IL18R1: variants seen among roughly 807,000 people sequenced by gnomAD.
IL18R1 encodes interleukin 18 receptor 1.
In IL18R1, 40 loss-of-function variants were observed where a neutral mutation model predicts 48.5. The observed-to-expected ratio is 0.82, with a 90% CI of 0.64 to 1.07. IL18R1 has a LOEUF of 1.07. Ranked by LOEUF, IL18R1 falls within the 50% of genes least tolerant of loss-of-function variation. The probability of loss-of-function intolerance (pLI) is 0.00; values close to 1 mark genes in which losing one functional copy is unlikely to be tolerated. For synonymous variants in IL18R1, 232 were observed against 225.9 expected, an observed-to-expected ratio of 1.03 and a Z score of -0.24; for missense variants, 596 against 633.7, an observed-to-expected ratio of 0.94 and a Z score of 0.64.
intron 2 of IL18R1, among the ~76,000 whole-genome samples, 157 bp from the exon 3 acceptor site, chr2:102,367,668 C>G (rs1039944000): frequency 1.3e-5 from 2 of 151,974 alleles, no homozygotes; most frequent in Non-Finnish European, 2.9e-5. Context: ...GAAAGATTGA[C>G]GCAAAAATAA....
At position 102,396,539 on chromosome 2, in the gene IL18R1, G is replaced by C; in HGVS notation, c.1279G>C (p.Asp427His). Residue 427 changes from aspartate to histidine, a missense_variant, in exon 11 of 11, where the codon GAT becomes CAT. This residue lies in a region of IL18R1 where 179 missense variants were observed against 206.1 expected (regional missense o/e 0.87). Coordinates refer to ENST00000233957, the MANE Select transcript of IL18R1 (RefSeq NM_003855.5). ...TTATCTTGCATTTTCAGCTGTTGTT[G>C]ATGAAATCCACTCACTGATAGAGAA... ...RDVVPGGAVVDEIHSLIEKSR... is the reference protein window; with the variant it reads ...RDVVPGGAVVHEIHSLIEKSR... The C allele has an allele frequency of 6.3e-7, 1 of 1,580,636 alleles. No individual in the cohort carries two copies. The highest frequency in any genetic ancestry group is 8.6e-7 in the Non-Finnish European group (1 of 1,161,762).
intron 8 of IL18R1, 41 bp from the exon 9 acceptor site, chr2:102,390,015 T>C: frequency 6.2e-7 from 1 of 1,603,708 alleles, no homozygotes; most frequent in East Asian, 2.2e-5. Context: ...CTGGTAAGAT[T>C]TCTTGATTAT....
chr2:102,380,365 A>T (rs1214011903), intron 5 of IL18R1, among the ~76,000 whole-genome samples: 1 of 152,132 alleles, frequency 6.6e-6, no homozygotes, highest in Non-Finnish European at 1.5e-5. Flanking sequence ...TTTCTGGGGG[A>T]AAAAATGGAT....
At chr2:102,386,801 A>G in intron 7 of IL18R1, 60 bp from the exon 8 acceptor site, 1 of 1,546,168 alleles carries the variant, frequency 6.5e-7, no homozygotes, top group Non-Finnish European at 8.9e-7. Context: ...TAAACATGTG[A>G]ATTCCCCTCT....
At chr2:102,386,080 T>C (rs553205000) in intron 7 of IL18R1, among the ~76,000 whole-genome samples, 1 of 152,302 alleles carries the variant, frequency 6.6e-6, no homozygotes, top group East Asian at 1.9e-4. Flanking sequence ...AGAATTACAT[T>C]CCAAAATGTA....
At chr2:102,380,008 C>T (rs1439115704) in intron 5 of IL18R1, among the ~76,000 whole-genome samples, 1 of 152,188 alleles carries the variant, frequency 6.6e-6, no homozygotes, top group Admixed American at 6.5e-5. Context: ...AGTTCCATTG[C>T]CTTCAGCTTG....
In IL18R1 at chr2:102,367,146, A is replaced by G. The variant is rs552568012; in HGVS notation, c.59-679A>G. The stretch of plus-strand genomic sequence containing the variant: ...CCTATCCTGGGTAGATGATGGTCAG[A>G]TATATTTCCAAAGCCAGAGAATCTG... On this transcript the variant is annotated intron_variant, in intron 2 of 10. Coordinates refer to ENST00000233957, the MANE Select transcript of IL18R1 (RefSeq NM_003855.5). Among the ~76,000 whole-genome samples the G allele has an allele frequency of 2.0e-5, 3 of 152,338 alleles. No homozygotes were observed. The East Asian group carries it at 5.8e-4, about 29-fold the overall frequency.
chr2:102,381,951 T>C (rs1679944739), intron 6 of IL18R1, among the ~76,000 whole-genome samples: 1 of 152,182 alleles, frequency 6.6e-6, no homozygotes, highest in African/African-American at 2.4e-5. Context: ...GTGGCTTGTC[T>C]TTAACTCTCT....
intron 5 of IL18R1, among the ~76,000 whole-genome samples, chr2:102,377,464 G>GC (rs1679656181): frequency 6.6e-6 from 1 of 152,048 alleles, no homozygotes; most frequent in African/African-American, 2.4e-5. Flanking sequence ...ACAGGCACCC[G>GC]CCACCACTCC....
At chr2:102,371,168 G>T (rs1401245103) in intron 3 of IL18R1, among the ~76,000 whole-genome samples, 1 of 151,952 alleles carries the variant, frequency 6.6e-6, no homozygotes, top group Admixed American at 6.6e-5. Context: ...TTCCCGAGTA[G>T]CTGGGATTAC....
At position 102,375,068 on chromosome 2, in the gene IL18R1, G is replaced by A. The variant is rs1236231786; in HGVS notation, c.469-839G>A. Among the ~76,000 whole-genome samples, 4 of 152,154 alleles carry A rather than the reference G, an allele frequency of 2.6e-5. No individual in the cohort carries two copies. In the South Asian group the frequency reaches 6.2e-4, roughly 24 times the overall value. ...AGGTACACATGTGGGTGCTTCACGG[G>A]CACATTCTATGCACAATGGGTCTAG... On this transcript the variant is annotated intron_variant, in intron 4 of 10. Transcript: ENST00000233957.
intron 6 of IL18R1, among the ~76,000 whole-genome samples, chr2:102,382,746 ACCACATGGGC>A (rs996473968): frequency 1.3e-5 from 2 of 152,188 alleles, no homozygotes; most frequent in Admixed American, 1.3e-4. Flanking sequence ...GGTTTATATG[ACCACATGGGC>A]CCAGTGCAGC....
At position 102,387,090 on chromosome 2, in the gene IL18R1, C is replaced by A. The variant is rs55944637; in HGVS notation, c.949+90C>A. ...GATGGCCACTTTCTCATTTTCCACA[C>A]CAGAACCCAGCTCCTGAGAGGGGAA... is the stretch of plus-strand genomic sequence containing the variant. On this transcript the variant is annotated intron_variant, in intron 8 of 10. Coordinates refer to ENST00000233957, the MANE Select transcript of IL18R1 (RefSeq NM_003855.5). The A allele has an allele frequency of 1.1e-3, 1,532 of 1,352,370 alleles. 41 individuals are homozygous for A. In the East Asian group the frequency reaches 0.029, roughly 26 times the overall value. The allele number at this position is 1,352,370 out of a possible 1,614,324, so 83.8% of individuals were successfully genotyped here. A position where few individuals can be genotyped will look rare whatever the true frequency, so the allele number is the denominator to read the frequency against.
chr2:102,370,541 C>T (rs1679190394), intron 3 of IL18R1, among the ~76,000 whole-genome samples: 1 of 152,244 alleles, frequency 6.6e-6, no homozygotes, highest in Non-Finnish European at 1.5e-5. Flanking sequence ...CAGCCTGCCA[C>T]ATTCTCCAGT....
chr2:102,380,567 T>C (rs1679860920), intron 5 of IL18R1, among the ~76,000 whole-genome samples: 1 of 152,226 alleles, frequency 6.6e-6, no homozygotes, highest in Non-Finnish European at 1.5e-5. Flanking sequence ...AATCCCAGGA[T>C]AACCCAGACC....
Position 102,397,011 on chromosome 2 carries a change from A to G in IL18R1, c.*125A>G. 2 of 643,676 alleles carry G rather than the reference A, an allele frequency of 3.1e-6. No individual in the cohort carries two copies. The highest frequency in any genetic ancestry group is 4.4e-5 in the South Asian group (2 of 45,400). 39.9% of individuals were successfully genotyped at this position (643,676 alleles called of 1,614,324 possible). ...TTGTCAAAATCCTGCTCACAATTTG[A>G]AGATGAAACTTGTCATTAGGTTGGC... is the stretch of plus-strand genomic sequence containing the variant. On this transcript the variant is annotated 3_prime_UTR_variant, in exon 11 of 11. Coordinates refer to ENST00000233957, the MANE Select transcript of IL18R1 (RefSeq NM_003855.5).
chr2:102,363,524 AT>A (rs924002569), intron 2 of IL18R1, among the ~76,000 whole-genome samples: 2 of 152,128 alleles, frequency 1.3e-5, no homozygotes, highest in Non-Finnish European at 2.9e-5. Context: ...GTAGATCTTC[AT>A]TTTTTTATAT....
rs1475389224 is a variant in IL18R1 at position 102,381,988 on chromosome 2, T to G, written c.688+306T>G. Among the ~76,000 whole-genome samples, 3 of 152,084 alleles carry G rather than the reference T, an allele frequency of 2.0e-5. 1 individual carries two copies. The East Asian group carries it at 5.8e-4, about 29-fold the overall frequency. ...TATGGTCATTTCTAAATATGAAAATTTAGGCCGGGCATGGTGGCTCACGCC... is the reference window on the plus strand; with the variant it reads ...TATGGTCATTTCTAAATATGAAAATGTAGGCCGGGCATGGTGGCTCACGCC... On this transcript the variant is annotated intron_variant, in intron 6 of 10. Coordinates refer to ENST00000233957, the MANE Select transcript of IL18R1 (RefSeq NM_003855.5).
intron 8 of IL18R1, 32 bp downstream of exon 8, chr2:102,387,032 A>G (rs1680272881): frequency 1.2e-6 from 2 of 1,605,714 alleles, no homozygotes; most frequent in South Asian, 1.1e-5. Context: ...AAGTTTTGAA[A>G]CTTAGCTCAT....
Sources: gnomAD v4.1 joint callset for allele counts (sites outside exome capture counted in the v4.1 genomes callset) on GRCh38, gnomAD v4.1.1 for gene constraint, gnomAD v4.1.1 regional missense constraint, MANE v1.5 for transcripts, NCBI Gene and HGNC (gene_info 2026-07-23, HGNC 2026-07-21) for gene names.